CDH6: variants seen among roughly 807,000 people sequenced by gnomAD.
CDH6 encodes the protein cadherin-6.
CDH6 carries 31 observed loss-of-function variants against 78.0 expected under a neutral mutation model. The ratio of observed to expected loss-of-function variants is 0.40; its 90% CI spans 0.30 to 0.54. The LOEUF (loss-of-function observed/expected upper bound fraction) is 0.54, where lower values mean the gene tolerates loss of function less well. Among genes scored for constraint, CDH6 ranks in the 20% least tolerant of loss-of-function variants. CDH6 has a pLI of 0.56. For synonymous variants in CDH6, 376 were observed against 368.8 expected, an observed-to-expected ratio of 1.02 and a Z score of -0.23; for missense variants, 724 against 975.9, an observed-to-expected ratio of 0.74 and a Z score of 3.44.
At chr5:31,302,941 A>AAG (rs1222365533) in intron 6 of CDH6, among the ~76,000 whole-genome samples, 1 of 131,732 alleles carries the variant, frequency 7.6e-6, no homozygotes, top group Non-Finnish European at 1.7e-5. Context: ...GAAAGAAAGA[A>AAG]AGAAAGAAAG....
intron 6 of CDH6, among the ~76,000 whole-genome samples, chr5:31,302,903 A>AAAAGAAAGAAAGAAAGAAAGAAAG (rs70953502): frequency 2.4e-3 from 218 of 90,434 alleles, no homozygotes; most frequent in Non-Finnish European, 3.1e-3. Context: ...AAGAAAGAAA[A>AAAAGAAAGAAAGAAAGAAAGAAAG]AAAGAAAGAA....
intron 2 of CDH6, among the ~76,000 whole-genome samples, chr5:31,270,171 C>A (rs976140564): frequency 6.6e-6 from 1 of 152,102 alleles, no homozygotes; most frequent in Non-Finnish European, 1.5e-5. Context: ...ACACCTGATG[C>A]GATTATCCAG....
intron 1 of CDH6, among the ~76,000 whole-genome samples, chr5:31,245,829 A>C (rs1741730016): frequency 6.6e-6 from 1 of 151,624 alleles, no homozygotes; most frequent in Non-Finnish European, 1.5e-5. Flanking sequence ...TCTACTTCTA[A>C]TACGCCATAA....
chr5:31,253,093 G>A (rs1402610458), intron 1 of CDH6, among the ~76,000 whole-genome samples: 2 of 152,166 alleles, frequency 1.3e-5, no homozygotes, highest in East Asian at 3.9e-4. Context: ...AGTGCCCAGG[G>A]AGGCCTGGCT....
chr5:31,207,248 A>C (rs972177355), intron 1 of CDH6, among the ~76,000 whole-genome samples: 12 of 152,200 alleles, frequency 7.9e-5, no homozygotes, highest in African/African-American at 2.9e-4. Context: ...TTAGAAAGTT[A>C]TTCTTTCAGA....
Position 31,319,375 on chromosome 5 carries a change from A to C in CDH6, c.1882+1451A>C, listed in dbSNP as rs559044820. 2.6e-5 allele frequency among the ~76,000 whole-genome samples: 4 copies of C among 152,290 alleles called. No homozygotes were observed. The South Asian group carries it at 6.2e-4, about 24-fold the overall frequency. ...CTGTACCTAATAAAAAAGGAGAAAAATGGGATTTAGCCTTTGTTAGGTATA... is the reference window on the plus strand; with the variant it reads ...CTGTACCTAATAAAAAAGGAGAAAACTGGGATTTAGCCTTTGTTAGGTATA... On this transcript the variant is annotated intron_variant, in intron 11 of 11. Coordinates refer to ENST00000265071, the MANE Select transcript of CDH6 (RefSeq NM_004932.4).
intron 5 of CDH6, among the ~76,000 whole-genome samples, chr5:31,300,022 G>T (rs1737719453): frequency 6.6e-6 from 1 of 152,190 alleles, no homozygotes; most frequent in Non-Finnish European, 1.5e-5. Flanking sequence ...TCCTCACAAA[G>T]CTTTATAAGG....
intron 1 of CDH6, among the ~76,000 whole-genome samples, chr5:31,214,030 T>G (rs1455413896): frequency 6.6e-6 from 1 of 151,928 alleles, no homozygotes; most frequent in African/African-American, 2.4e-5. Context: ...CCCTGTGGCA[T>G]TCATGAGCTC....
At chr5:31,308,943 A>G (rs1252082054) in intron 7 of CDH6, among the ~76,000 whole-genome samples, 1 of 152,100 alleles carries the variant, frequency 6.6e-6, no homozygotes, top group African/African-American at 2.4e-5. Flanking sequence ...TAATTATTAA[A>G]TTTCTTATGA....
chr5:31,293,923 T>A, intron 2 of CDH6, 39 bp from the exon 3 acceptor site: 1 of 1,409,360 alleles, frequency 7.1e-7, no homozygotes, highest in Non-Finnish European at 9.7e-7. Flanking sequence ...AACCACATGC[T>A]TGACTTTTAC....
In CDH6 at chr5:31,202,783, CAT is replaced by C. The variant is rs200836176; in HGVS notation, c.-129+8904_-129+8905del. ...TATACACGCATATATGTATATGTCA[CAT>C]ATATATGTGTATATATGTGACATAT... On this transcript the variant is annotated intron_variant, in intron 1 of 11. Coordinates refer to ENST00000265071, the MANE Select transcript of CDH6 (RefSeq NM_004932.4). Among the ~76,000 whole-genome samples the C allele has an allele frequency of 9.6e-3, 1,440 of 150,544 alleles. 28 individuals are homozygous for C. The highest frequency in any genetic ancestry group is 0.033 in the African/African-American group (1,356 of 40,942).
intron 1 of CDH6, among the ~76,000 whole-genome samples, chr5:31,235,001 G>A (rs1266867488): frequency 2.0e-5 from 3 of 152,114 alleles, no homozygotes; most frequent in Non-Finnish European, 4.4e-5. Context: ...CCCTGTGGGG[G>A]TGAGGGAGTT....
At chr5:31,234,650 T>C (rs1260158995) in intron 1 of CDH6, among the ~76,000 whole-genome samples, 1 of 152,180 alleles carries the variant, frequency 6.6e-6, no homozygotes. Flanking sequence ...CTGTGACTCT[T>C]CTCACTCCCT....
chr5:31,277,322 A>G (rs1742725609), intron 2 of CDH6, among the ~76,000 whole-genome samples: 2 of 152,208 alleles, frequency 1.3e-5, no homozygotes, highest in Non-Finnish European at 2.9e-5. Context: ...GAATGTTATT[A>G]TAGAATCCGG....
At chr5:31,279,300 G>T (rs1360660489) in intron 2 of CDH6, among the ~76,000 whole-genome samples, 1 of 152,114 alleles carries the variant, frequency 6.6e-6, no homozygotes, top group African/African-American at 2.4e-5. Context: ...GGGCACAATG[G>T]CTCATGTTTG....
chr5:31,265,466 T>C (rs1251842430), intron 1 of CDH6, among the ~76,000 whole-genome samples: 1 of 152,236 alleles, frequency 6.6e-6, no homozygotes, highest in East Asian at 1.9e-4. Flanking sequence ...TACTATAAAA[T>C]ATTTCACTTA....
chr5:31,299,408 A>G, intron 4 of CDH6, 56 bp from the exon 5 acceptor site: 1 of 1,375,802 alleles, frequency 7.3e-7, no homozygotes, highest in Non-Finnish European at 1.0e-6. Flanking sequence ...TAAATCAATG[A>G]TTCCATAAAG....
In CDH6 at chr5:31,328,832, C is replaced by T; in HGVS notation, c.*5524C>T. On this transcript the variant is annotated 3_prime_UTR_variant, in exon 12 of 12. Coordinates refer to ENST00000265071, the MANE Select transcript of CDH6 (RefSeq NM_004932.4). ...TGATGAAAGCAAGCAATGCTCAGTT[C>T]CCATCAACATTTCTAGTTAGGGGGA... The T allele has an allele frequency of 4.6e-6, 1 of 218,990 alleles. No homozygotes were observed. The highest frequency in any genetic ancestry group is 2.2e-5 in the African/African-American group (1 of 44,632). The allele number at this position is 218,990 out of a possible 1,614,324, so 13.6% of individuals were successfully genotyped here.
intron 1 of CDH6, among the ~76,000 whole-genome samples, chr5:31,234,958 T>G (rs980778128): frequency 6.6e-6 from 1 of 152,166 alleles, no homozygotes; most frequent in African/African-American, 2.4e-5. Context: ...CCCCAAGCAC[T>G]CCATTATCCA....
Sources: gnomAD v4.1 joint callset for allele counts (sites outside exome capture counted in the v4.1 genomes callset) on GRCh38, gnomAD v4.1.1 for gene constraint, MANE v1.5 for transcripts, NCBI Gene and HGNC (gene_info 2026-07-23, HGNC 2026-07-21) for gene names.